CYP4A22: variants seen among roughly 807,000 people sequenced by gnomAD.
CYP4A22 encodes cytochrome P450 family 4 subfamily A member 22.
In CYP4A22, 46 loss-of-function variants were observed where a neutral mutation model predicts 56.2. That is an observed-to-expected ratio of 0.82 (90% CI 0.65 to 1.05). CYP4A22 has a LOEUF of 1.05. CYP4A22 is among the 50% of genes least tolerant of loss of function. CYP4A22 has a pLI of 0.00. For missense variants in CYP4A22, 541 were observed against 645.9 expected (o/e 0.84, Z 1.76); for synonymous variants, 193 against 251.1 (o/e 0.77, Z 2.19).
rs555070132 is a variant in CYP4A22, at chr1:47,142,088, C to T, written c.383-20C>T. On this transcript the variant is annotated intron_variant, in intron 3 of 11. Coordinates refer to ENST00000371891, the MANE Select transcript of CYP4A22 (RefSeq NM_001010969.4). ...GCAGCCTCTGATACACACACATACA[C>T]ATATTCGTGTCTACCTTAGGGTACG... 1 of 1,608,580 alleles carries T rather than the reference C, an allele frequency of 6.2e-7. No individual in the cohort carries two copies. Among genetic ancestry groups the T allele is most frequent in the Non-Finnish European group, 8.5e-7 (1 of 1,176,978 alleles).
rs767733132 is a variant in CYP4A22, at chr1:47,144,657, T to A, written c.1005T>A (p.Tyr335Ter). The change falls in exon 8 of 12, where the codon TAT becomes TAA. Residue 335 changes from tyrosine to a stop codon, truncating the protein, a stop_gained. Coordinates refer to ENST00000371891, the MANE Select transcript of CYP4A22 (RefSeq NM_001010969.4). LOFTEE classifies it high-confidence loss of function. ...CCAGTGGGATCTCCTGGATCCTCTA[T>A]GCTCTGGCCACACACCCCAAGCATC... The part of the protein sequence containing the change: ...TTASGISWIL[Y>*]ALATHPKHQE... The A allele has an allele frequency of 1.9e-6, 3 of 1,613,886 alleles. No individual in the cohort carries two copies. The East Asian group carries it at 6.7e-5, about 36-fold the overall frequency.
chr1:47,142,357 G>C (rs919050704), intron 4 of CYP4A22, 122 bp downstream of exon 4: 69 of 1,406,472 alleles, frequency 4.9e-5, no homozygotes, highest in Non-Finnish European at 6.4e-5. Context: ...AACACTCTCA[G>C]GTCATTGCTG....
Position 47,143,807 on chromosome 1 carries a change from G to C in CYP4A22, c.681G>C (p.Leu227=). ...YIQAISDLNS[L]VFCCMRNAFH... ...AGGCCATTAGTGACCTGAACAGCCT[G>C]GTTTTTTGCTGTATGAGGAATGCCT... Residue 227 remains leucine (L), a synonymous_variant, in exon 6 of 12, where the codon CTG becomes CTC. Coordinates refer to ENST00000371891, the MANE Select transcript of CYP4A22 (RefSeq NM_001010969.4). 6.2e-7 allele frequency: 1 copy of C among 1,614,036 alleles called. No homozygotes were observed. Among genetic ancestry groups the C allele is most frequent in the Middle Eastern group, 1.7e-4 (1 of 6,060 alleles).
intron 2 of CYP4A22, 74 bp downstream of exon 2, chr1:47,140,995 A>C (rs1645002876): frequency 6.3e-7 from 1 of 1,578,756 alleles, no homozygotes; most frequent in Non-Finnish European, 8.6e-7. Flanking sequence ...GTAAAATTCC[A>C]GAAGAGAGTG....
Position 47,146,147 on chromosome 1 carries a change from G to A in CYP4A22, c.1358G>A (p.Gly453Glu), listed in dbSNP as rs267598634. 1 of 1,614,196 alleles carries A rather than the reference G, an allele frequency of 6.2e-7. No individual in the cohort carries two copies. The highest frequency in any genetic ancestry group is 8.5e-7 in the Non-Finnish European group (1 of 1,180,026). The change falls in exon 11 of 12, where the codon GGA becomes GAA. Residue 453 changes from glycine (G) to glutamate (E), a missense_variant. Physicochemically the swap from Gly to Glu is moderately conservative, Grantham distance 98. Coordinates refer to ENST00000371891, the MANE Select transcript of CYP4A22 (RefSeq NM_001010969.4). ...HSHAFLPFSG[G>E]SRNCIGKQFA... ...CACGCTTTCCTGCCCTTCTCAGGAG[G>A]ATCAAGGTGAGACGTCCTGTGTGGT...
At chr1:47,148,375 A>G (rs957061289) in intron 11 of CYP4A22, among the ~76,000 whole-genome samples, 4 of 152,154 alleles carry the variant, frequency 2.6e-5, no homozygotes, top group South Asian at 4.1e-4. Flanking sequence ...CAGAGGTAGA[A>G]GGTAGGAGTT....
chr1:47,138,751 G>A (rs987275859), intron 1 of CYP4A22, among the ~76,000 whole-genome samples: 2 of 152,220 alleles, frequency 1.3e-5, no homozygotes, highest in Non-Finnish European at 2.9e-5. Flanking sequence ...AGGTGTAGAG[G>A]AACAGAGGAA....
At position 47,141,570 on chromosome 1, in the gene CYP4A22, G is replaced by T; in HGVS notation, c.338-1G>T. 1 of 1,613,510 alleles carries T rather than the reference G, an allele frequency of 6.2e-7. No individual in the cohort carries two copies. Among genetic ancestry groups the T allele is most frequent in the Non-Finnish European group, 8.5e-7 (1 of 1,179,642 alleles). ...CTATAAAGCCCTTTCTTACTTTTCA[G>T]ACCCGAAATCCCATGGATCCTACAA... On this transcript the variant is annotated splice_acceptor_variant, in intron 2 of 11. Transcript: ENST00000371891. LOFTEE classifies it high-confidence loss of function.
rs1167522586 is a variant in CYP4A22 at position 47,137,518 on chromosome 1, C to A, written c.33C>A (p.Arg11=). ...TCTCTGTCCTGAGCCCCAGCAGACG[C>A]CTGGGTGGTGTCTCCGGGATCCTCC... MSVSVLSPSR[R]LGGVSGILQV... Residue 11 remains arginine, a synonymous_variant, in exon 1 of 12, where the codon CGC becomes CGA. Transcript: ENST00000371891. 1.2e-6 allele frequency: 2 copies of A among 1,613,930 alleles called. No individual in the cohort carries two copies. The highest frequency in any genetic ancestry group is 2.7e-5 in the African/African-American group (2 of 74,938).
intron 11 of CYP4A22, 92 bp downstream of exon 11, chr1:47,146,245 C>T (rs1211565148): frequency 3.1e-6 from 5 of 1,608,356 alleles, no homozygotes. Context: ...TCATATGTGG[C>T]ATCTTCAGGT....
At chr1:47,146,883 A>T (rs1645081770) in intron 11 of CYP4A22, 1 of 985,588 alleles carries the variant, frequency 1.0e-6, no homozygotes, top group Middle Eastern at 5.2e-4. Context: ...TATTGGCCAA[A>T]AACATAAAAA....
At chr1:47,145,738 C>T (rs1362918839) in intron 9 of CYP4A22, 128 bp from the exon 10 acceptor site, 2 of 1,349,806 alleles carry the variant, frequency 1.5e-6, no homozygotes, top group African/African-American at 1.5e-5. Flanking sequence ...ATGGCAGAAT[C>T]ATCCTAGTCA....
intron 4 of CYP4A22, 103 bp from the exon 5 acceptor site, chr1:47,143,166 C>G: frequency 6.5e-7 from 1 of 1,531,004 alleles, no homozygotes; most frequent in Non-Finnish European, 8.8e-7. Flanking sequence ...TATCTGCAAG[C>G]TACAGGAAAA....
chr1:47,147,385 A>G (rs1645087930), intron 11 of CYP4A22: 16 of 985,046 alleles, frequency 1.6e-5, no homozygotes. Flanking sequence ...ACATCATTCA[A>G]ATATTAAAGT....
At position 47,144,454 on chromosome 1, in the gene CYP4A22, C is replaced by T. The variant is rs757846381; in HGVS notation, c.888C>T (p.Leu296=). The T allele has an allele frequency of 3.7e-6, 6 of 1,613,890 alleles. No homozygotes were observed. The highest frequency in any genetic ancestry group is 5.1e-6 in the Non-Finnish European group (6 of 1,179,876). ...ACTTGGATTTTCTGGACATCCTCCT[C>T]TTGGCCAAAGTGAGTATGTGTAGGA... ...KRHLDFLDIL[L]LAKMENGSIL... Residue 296 remains leucine, a synonymous_variant, in exon 7 of 12, where the codon CTC becomes CTT. Coordinates refer to ENST00000371891, the MANE Select transcript of CYP4A22 (RefSeq NM_001010969.4).
chr1:47,138,548 G>T (rs1318065019), intron 1 of CYP4A22, among the ~76,000 whole-genome samples: 1 of 152,214 alleles, frequency 6.6e-6, no homozygotes, highest in African/African-American at 2.4e-5. Flanking sequence ...GCCCCATGGG[G>T]CTGCATGTAG....
chr1:47,141,429 C>T, intron 2 of CYP4A22, 142 bp from the exon 3 acceptor site: 1 of 919,484 alleles, frequency 1.1e-6, no homozygotes, highest in Non-Finnish European at 1.7e-6. Flanking sequence ...ACCTTCAGGA[C>T]AGAAATAGAA....
At chr1:47,145,151 GA>G (rs1287641183) in intron 9 of CYP4A22, among the ~76,000 whole-genome samples, 181 bp downstream of exon 9, 6 of 152,206 alleles carry the variant, frequency 3.9e-5, no homozygotes, top group African/African-American at 1.4e-4. Context: ...TGAACCCACC[GA>G]AAGTTCAAGA....
Position 47,141,704 on chromosome 1 carries a change from C to A in CYP4A22, c.382+89C>A, listed in dbSNP as rs140026026. 737 of 1,505,258 alleles carry A rather than the reference C, an allele frequency of 4.9e-4. 6 individuals carry two copies. The East Asian group carries it at 0.012, about 24-fold the overall frequency. The allele number at this position is 1,505,258 out of a possible 1,614,324, so 93.2% of individuals were successfully genotyped here. A position where few individuals can be genotyped will look rare whatever the true frequency, so the allele number is the denominator to read the frequency against. ...ACAGAGAACAACAGATTAGAGGCCACCACTATCATGACCTCATCCCCAAAT... is the reference window on the plus strand; with the variant it reads ...ACAGAGAACAACAGATTAGAGGCCAACACTATCATGACCTCATCCCCAAAT... On this transcript the variant is annotated intron_variant, in intron 3 of 11. Transcript: ENST00000371891.
Sources: allele counts gnomAD v4.1 joint callset (sites outside exome capture counted in the v4.1 genomes callset), GRCh38; gene constraint gnomAD v4.1.1; transcripts MANE v1.5; gene names NCBI Gene and HGNC (gene_info 2026-07-23, HGNC 2026-07-21).